Variants in FRY observed in about 807,000 individuals in gnomAD.
FRY encodes the protein protein furry homolog.
In FRY, 128 loss-of-function variants were observed where a neutral mutation model predicts 348.4. The ratio of observed to expected loss-of-function variants is 0.37; its 90% CI spans 0.32 to 0.43. The LOEUF is 0.43. Ranked by LOEUF, FRY falls within the 20% of genes least tolerant of loss-of-function variation. FRY has a pLI of 1.00. For missense variants in FRY, 2,736 were observed against 3,695.2 expected, an observed-to-expected ratio of 0.74 and a Z score of 6.73; for synonymous variants, 1,370 against 1,374.7, an observed-to-expected ratio of 1.00 and a Z score of 0.08.
intron 50 of FRY, among the ~76,000 whole-genome samples, chr13:32,252,446 A>G (rs1887130681): frequency 6.6e-6 from 1 of 152,236 alleles, no homozygotes; most frequent in Admixed American, 6.5e-5. Flanking sequence ...TAAAACAAAA[A>G]TCATACCATC....
chr13:32,136,909 T>G lies in FRY; in HGVS notation c.1116T>G (p.Ser372Arg). 6.2e-7 allele frequency: 1 copy of G among 1,611,304 alleles called. No individual in the cohort carries two copies. The highest frequency in any genetic ancestry group is 8.5e-7 in the Non-Finnish European group (1 of 1,177,428). The stretch of plus-strand genomic sequence containing the variant: ...TGGTGACCTGTTTGCTCTGTGTCAG[T>G]CAGAAGCAGCTGTTCCTGAACAGGT... ...YPLVTCLLCVSQKQLFLNRWH... is the reference protein window; with the variant it reads ...YPLVTCLLCVRQKQLFLNRWH... Residue 372 changes from serine (S) to arginine (R), a missense_variant, in exon 11 of 61, where the codon AGT becomes AGG. Around this residue, in one of 9 missense-constraint regions of FRY, gnomAD observed 191 missense variants for 370.2 expected, o/e 0.52. Transcript: ENST00000542859.
At chr13:32,169,966 C>A (rs78892326) in intron 17 of FRY, among the ~76,000 whole-genome samples, 6,656 of 152,292 alleles carry the variant, frequency 0.044, 202 homozygotes, top group Admixed American at 0.11. Flanking sequence ...CCAGAAAATT[C>A]TTTGTCACAG....
Position 32,245,155 on chromosome 13 carries a change from G to A in FRY, c.6828+973G>A, listed in dbSNP as rs540975381. Among the ~76,000 whole-genome samples the A allele has an allele frequency of 3.3e-5, 5 of 151,938 alleles. No individual in the cohort carries two copies. In the East Asian group the frequency reaches 9.8e-4, roughly 30 times the overall value. On this transcript the variant is annotated intron_variant, in intron 47 of 60. Transcript: ENST00000542859. ...AGTAGAGACAGGGTTTCACCATATTGGCCAGGCTGGTCTCGAACTCCTGAC... is the reference window on the plus strand; with the variant it reads ...AGTAGAGACAGGGTTTCACCATATTAGCCAGGCTGGTCTCGAACTCCTGAC...
At chr13:32,269,533 A>G (rs1403642185) in intron 55 of FRY, among the ~76,000 whole-genome samples, 1 of 152,164 alleles carries the variant, frequency 6.6e-6, no homozygotes. Context: ...TCTACTAAGA[A>G]TACAAAATTA....
intron 2 of FRY, among the ~76,000 whole-genome samples, chr13:32,098,664 A>G: frequency 6.6e-6 from 1 of 152,012 alleles, no homozygotes; most frequent in South Asian, 2.1e-4. Context: ...ATAAGAGGAA[A>G]TTAACCACAT....
chr13:32,123,820 T>TTTGTTG (rs34241410), intron 4 of FRY, among the ~76,000 whole-genome samples: 54 of 151,636 alleles, frequency 3.6e-4, no homozygotes, highest in Admixed American at 1.6e-3. Flanking sequence ...ATTAGCATGT[T>TTTGTTG]TTGTTGTTGT....
chr13:32,251,848 A>G (rs1388099408), intron 49 of FRY, 30 bp from the exon 50 acceptor site: 1 of 1,525,736 alleles, frequency 6.6e-7, no homozygotes, highest in Non-Finnish European at 9.1e-7. Context: ...AGGAACCCAT[A>G]ATGAAACCTG....
intron 31 of FRY, among the ~76,000 whole-genome samples, chr13:32,207,986 G>A (rs183916476): frequency 1.1e-3 from 162 of 152,312 alleles, no homozygotes; most frequent in African/African-American, 3.8e-3. Context: ...TATACATAAT[G>A]CTGTGCTTCT....
intron 56 of FRY, among the ~76,000 whole-genome samples, chr13:32,276,234 C>T (rs934335997): frequency 2.0e-5 from 3 of 152,094 alleles, no homozygotes; most frequent in Admixed American, 6.5e-5. Context: ...TCTGCCTATA[C>T]TAATATGGGA....
At chr13:32,261,417 T>C (rs1412338247) in intron 51 of FRY, 199 bp from the exon 52 acceptor site, 9 of 758,464 alleles carry the variant, frequency 1.2e-5, no homozygotes, top group Non-Finnish European at 4.8e-6. Flanking sequence ...TGCCTATGAC[T>C]TCACATGAGT....
Position 32,239,801 on chromosome 13 carries a change from A to G in FRY, c.6607A>G (p.Thr2203Ala). ...GCACAGCTACACGAGGGACTGTGCC[A>G]CGTGGGTCAATGTGGTCTGTCGATA... is the stretch of plus-strand genomic sequence containing the variant. ...KTHSYTRDCATWVNVVCRYLH... is the reference protein window; with the variant it reads ...KTHSYTRDCAAWVNVVCRYLH... Residue 2203 changes from threonine (T) to alanine (A), a missense_variant, in exon 46 of 61, where the codon ACG becomes GCG. By Grantham distance (58) the Thr-to-Ala change is moderately conservative. This residue lies in a region of FRY where 789 missense variants were observed against 996.2 expected (regional missense o/e 0.79). Coordinates refer to ENST00000542859, the MANE Select transcript of FRY (RefSeq NM_023037.3). The surrounding 1 kb of genome is among the most constrained non-coding windows in gnomAD (Gnocchi z 4.3). The G allele has an allele frequency of 6.2e-7, 1 of 1,613,850 alleles. No individual in the cohort carries two copies. Among genetic ancestry groups the G allele is most frequent in the Non-Finnish European group, 8.5e-7 (1 of 1,179,690 alleles).
At chr13:32,157,767 T>A (rs1017697979) in intron 16 of FRY, among the ~76,000 whole-genome samples, 2 of 152,192 alleles carry the variant, frequency 1.3e-5, no homozygotes, top group Non-Finnish European at 2.9e-5. Flanking sequence ...TCGTGACAGT[T>A]CCTACTTCAT....
intron 7 of FRY, 101 bp from the exon 8 acceptor site, chr13:32,131,571 G>A: frequency 1.2e-6 from 1 of 804,390 alleles, no homozygotes; most frequent in Non-Finnish European, 2.2e-6. Flanking sequence ...CTGATTTAAA[G>A]GATTCCATTG....
intron 51 of FRY, among the ~76,000 whole-genome samples, chr13:32,255,044 G>A (rs1420653447): frequency 1.3e-5 from 2 of 152,180 alleles, no homozygotes; most frequent in African/African-American, 4.8e-5. Context: ...TATGAATCAT[G>A]TTTGCAAAAA....
intron 8 of FRY, 57 bp from the exon 9 acceptor site, chr13:32,134,847 T>G (rs1482855486): frequency 4.9e-6 from 5 of 1,020,418 alleles, no homozygotes; most frequent in Admixed American, 1.7e-5. Context: ...TTTAAATACA[T>G]TCTATGTGTA....
chr13:32,080,334 G>C (rs551592506), intron 2 of FRY, among the ~76,000 whole-genome samples: 81 of 152,224 alleles, frequency 5.3e-4, no homozygotes, highest in African/African-American at 1.9e-3. Flanking sequence ...CTATGTACTA[G>C]GCATTGTGCA....
chr13:32,244,250 T>A, intron 47 of FRY, 68 bp downstream of exon 47: 6 of 1,438,328 alleles, frequency 4.2e-6, no homozygotes, highest in Non-Finnish European at 5.9e-6. Context: ...TCCTGTAGCT[T>A]GGCTACAAAA....
At chr13:32,126,179 A>T (rs1282912681) in intron 7 of FRY, among the ~76,000 whole-genome samples, 1 of 152,214 alleles carries the variant, frequency 6.6e-6, no homozygotes, top group Non-Finnish European at 1.5e-5. Flanking sequence ...AAGATTGGGA[A>T]AAATGAGGTA....
chr13:32,182,876 G>A, intron 23 of FRY, 101 bp from the exon 24 acceptor site: 1 of 767,416 alleles, frequency 1.3e-6, no homozygotes, highest in Non-Finnish European at 2.3e-6. Context: ...GAAGCAAAGT[G>A]TAAAAAGCAA....
Sources: gnomAD v4.1 joint callset for allele counts (sites outside exome capture counted in the v4.1 genomes callset) on GRCh38, gnomAD v4.1.1 for gene constraint, gnomAD v4.1.1 regional missense constraint, Gnocchi (gnomAD v3.1) non-coding constraint, MANE v1.5 for transcripts, NCBI Gene and HGNC (gene_info 2026-07-23, HGNC 2026-07-21) for gene names.